TPGS2: variants seen among roughly 807,000 people sequenced by gnomAD.
The protein encoded by TPGS2 is polyglutamylase subunit 2.
A neutral mutation model predicts 31.1 loss-of-function variants in TPGS2; 26 were observed. The observed-to-expected ratio is 0.84, with a 90% CI of 0.61 to 1.16. The LOEUF (loss-of-function observed/expected upper bound fraction) is 1.16, where lower values mean the gene tolerates loss of function less well. TPGS2 is among the 50% of genes most tolerant of loss of function. TPGS2 has a pLI of 0.00. For missense variants in TPGS2, 351 were observed against 363.8 expected (o/e 0.96, Z 0.29); for synonymous variants, 130 against 136.6 (o/e 0.95, Z 0.34).
rs564133957 is a variant in TPGS2 at position 36,813,743 on chromosome 18, G to A, written c.165+5151C>T. Among the ~76,000 whole-genome samples, 25 of 152,316 alleles carry A rather than the reference G, an allele frequency of 1.6e-4. No individual in the cohort carries two copies. In the South Asian group the frequency reaches 2.3e-3, roughly 14 times the overall value. Reference sequence around the variant, plus strand: ...GCTAAATAGCTAGAAGGAGATATACGTTGAAGGTTTTTTGTTTTTAATTTT... The same window carrying A: ...GCTAAATAGCTAGAAGGAGATATACATTGAAGGTTTTTTGTTTTTAATTTT... On this transcript the variant is annotated intron_variant, in intron 2 of 6. Transcript: ENST00000334295.
intron 2 of TPGS2, among the ~76,000 whole-genome samples, chr18:36,814,121 T>C (rs1229211312): frequency 2.0e-5 from 3 of 152,306 alleles, no homozygotes; most frequent in Admixed American, 1.3e-4. Context: ...GATTGGAGGG[T>C]GTAACCAATC....
Position 36,805,501 on chromosome 18 carries a change from C to A in TPGS2, c.255G>T (p.Glu85Asp), listed in dbSNP as rs756601472. 4.0e-5 allele frequency: 64 copies of A among 1,613,910 alleles called. 1 individual carries two copies. The highest frequency in any genetic ancestry group is 2.8e-5 in the Non-Finnish European group (33 of 1,179,942). ...CCATGCTTCCCAGTGGAATGATGTGCTCTAGGGGAACATGCGTTAAGGAGA... is the reference window on the plus strand; with the variant it reads ...CCATGCTTCCCAGTGGAATGATGTGATCTAGGGGAACATGCGTTAAGGAGA... ...FHMTWSVKLD[E>D]HIIPLGSMAI... is the part of the protein sequence containing the mutation. The change falls in exon 4 of 7, where the codon GAG becomes GAT. Residue 85 changes from glutamate (E) to aspartate (D), a missense_variant and splice_region_variant. Transcript: ENST00000334295.
At chr18:36,787,335 T>A (rs2044159897) in intron 6 of TPGS2, among the ~76,000 whole-genome samples, 1 of 152,172 alleles carries the variant, frequency 6.6e-6, no homozygotes, top group South Asian at 2.1e-4. Flanking sequence ...TTTGTTTCCC[T>A]TCAGAGAGAG....
At chr18:36,797,196 C>G in intron 6 of TPGS2, 146 bp from the exon 7 acceptor site, 2 of 1,465,470 alleles carry the variant, frequency 1.4e-6, no homozygotes, top group Non-Finnish European at 1.8e-6. Context: ...TTTGCTCTTC[C>G]TTTAAGTGGA....
chr18:36,809,602 C>G (rs1442080355), intron 2 of TPGS2, among the ~76,000 whole-genome samples: 1 of 152,170 alleles, frequency 6.6e-6, no homozygotes, highest in Non-Finnish European at 1.5e-5. Context: ...ATTATCTGTG[C>G]TTTCAGAAGA....
intron 4 of TPGS2, among the ~76,000 whole-genome samples, chr18:36,802,777 G>A (rs533603204): frequency 1.5e-4 from 23 of 152,010 alleles, no homozygotes; most frequent in East Asian, 5.8e-4. Context: ...ACAGGTGCCC[G>A]CCACCACGCC....
chr18:36,791,438 C>G (rs531798491), downstream of TPGS2, among the ~76,000 whole-genome samples: 1 of 152,180 alleles, frequency 6.6e-6, no homozygotes, highest in South Asian at 2.1e-4. Flanking sequence ...TCCCAGAACC[C>G]TGAGGTGGAG....
intron 6 of TPGS2, chr18:36,787,011 T>C (rs1359096344): frequency 9.7e-6 from 12 of 1,234,200 alleles, no homozygotes; most frequent in Non-Finnish European, 1.0e-5. Context: ...TCAGCTCCCA[T>C]TGGAGGGGCT....
chr18:36,810,729 A>G (rs1333691840), intron 2 of TPGS2, among the ~76,000 whole-genome samples: 1 of 152,160 alleles, frequency 6.6e-6, no homozygotes, highest in Admixed American at 6.5e-5. Context: ...TTCTCCTGAG[A>G]TAATCTACAA....
In TPGS2 at chr18:36,796,102, C is replaced by CAAAAG; in HGVS notation, c.*698_*702dup. ...GGAAGACAAACTTTATAGGAAGCTG[C>CAAAAG]AAAAGAAATGAGCAGAGCGAGATAT... On this transcript the variant is annotated 3_prime_UTR_variant, in exon 7 of 7. Coordinates refer to ENST00000334295, the MANE Select transcript of TPGS2 (RefSeq NM_015476.4). 1 of 985,270 alleles carries CAAAAG rather than the reference C, an allele frequency of 1.0e-6. No individual in the cohort carries two copies. Among genetic ancestry groups the CAAAAG allele is most frequent in the Non-Finnish European group, 1.2e-6 (1 of 829,918 alleles). The allele number at this position is 985,270 out of a possible 1,614,324, so 61.0% of individuals were successfully genotyped here. A position where few individuals can be genotyped will look rare whatever the true frequency, so the allele number is the denominator to read the frequency against.
intron 5 of TPGS2, among the ~76,000 whole-genome samples, chr18:36,799,864 G>A (rs1387749893): frequency 6.6e-6 from 1 of 152,162 alleles, no homozygotes; most frequent in Admixed American, 6.6e-5. Context: ...AAGTATAAAA[G>A]ATAATGTGTT....
rs2044556384 is a variant in TPGS2 at position 36,796,919 on chromosome 18, CT to C, written c.788del (p.Lys263ArgfsTer60). The C allele has an allele frequency of 6.2e-7, 1 of 1,609,850 alleles. No homozygotes were observed. Among genetic ancestry groups the C allele is most frequent in the Admixed American group, 1.7e-5 (1 of 59,086 alleles). ...CACCTGCAGGCTGCACAGGCCCTTTCTTTTTTGGGATTACGATCTTGTTCTT... is the reference window on the plus strand; with the variant it reads ...CACCTGCAGGCTGCACAGGCCCTTTCTTTTTGGGATTACGATCTTGTTCTT... ...KSKNKIVIPKKKGPVQPAGGQ... is the reference protein window; with the variant it reads ...KSKNKIVIPKXKGPVQPAGGQ... On this transcript the variant is annotated frameshift_variant, in exon 7 of 7. Coordinates refer to ENST00000334295, the MANE Select transcript of TPGS2 (RefSeq NM_015476.4). LOFTEE classifies it high-confidence loss of function.
intron 2 of TPGS2, among the ~76,000 whole-genome samples, chr18:36,815,519 AC>A (rs1172306700): frequency 1.3e-5 from 2 of 152,144 alleles, no homozygotes; most frequent in Non-Finnish European, 2.9e-5. Flanking sequence ...CCATTCATGG[AC>A]TTGTAAGGGA....
chr18:36,805,069 T>C (rs921797024), intron 4 of TPGS2, among the ~76,000 whole-genome samples: 1 of 152,240 alleles, frequency 6.6e-6, no homozygotes, highest in Non-Finnish European at 1.5e-5. Flanking sequence ...ACTACATCTG[T>C]TATATGCGAC....
downstream of TPGS2, among the ~76,000 whole-genome samples, chr18:36,793,762 G>A (rs904868140): frequency 6.0e-5 from 9 of 151,048 alleles, no homozygotes; most frequent in African/African-American, 9.8e-5. Context: ...CTTTGAGACA[G>A]AGTCTTGCTC....
At chr18:36,801,381 G>A (rs796883373) in intron 4 of TPGS2, among the ~76,000 whole-genome samples, 48 of 152,268 alleles carry the variant, frequency 3.2e-4, no homozygotes, top group African/African-American at 1.1e-3. Context: ...ACCTGGGCTG[G>A]AGTGCAGTGA....
chr18:36,802,350 T>A (rs1320977916), intron 4 of TPGS2, among the ~76,000 whole-genome samples: 2 of 152,216 alleles, frequency 1.3e-5, no homozygotes, highest in East Asian at 1.9e-4. Context: ...CATTCCAGCT[T>A]CTGCCTGCTT....
chr18:36,805,484 C>T lies in TPGS2; in HGVS notation c.272G>A (p.Gly91Glu), dbSNP rs1294034031. 1.9e-6 allele frequency: 3 copies of T among 1,613,924 alleles called. No individual in the cohort carries two copies. Among genetic ancestry groups the T allele is most frequent in the African/African-American group, 1.3e-5 (1 of 74,914 alleles). The change falls in exon 4 of 7, where the codon GGA becomes GAA. Residue 91 changes from glycine to glutamate, a missense_variant. By Grantham distance (98) the Gly-to-Glu change is moderately conservative. Coordinates refer to ENST00000334295, the MANE Select transcript of TPGS2 (RefSeq NM_015476.4). ...VKLDEHIIPLGSMAINSISKL... is the reference protein window; with the variant it reads ...VKLDEHIIPLESMAINSISKL... ...TGAGATGCTGTTAATTGCCATGCTT[C>T]CCAGTGGAATGATGTGCTCTAGGGG...
Position 36,818,696 on chromosome 18 carries a change from A to T in TPGS2, c.165+198T>A. The T allele has an allele frequency of 6.0e-6, 3 of 499,330 alleles. No individual in the cohort carries two copies. In the South Asian group the frequency reaches 1.1e-4, roughly 19 times the overall value. The allele number at this position is 499,330 out of a possible 1,614,324, so 30.9% of individuals were successfully genotyped here. A position where few individuals can be genotyped will look rare whatever the true frequency, so the allele number is the denominator to read the frequency against. On this transcript the variant is annotated intron_variant, in intron 2 of 6. Coordinates refer to ENST00000334295, the MANE Select transcript of TPGS2 (RefSeq NM_015476.4). ...CTGTAGGAGAGTGGGGCTCAGGGGAAACACTCCATGCTGGGTAAGTGGCAT... is the reference window on the plus strand; with the variant it reads ...CTGTAGGAGAGTGGGGCTCAGGGGATACACTCCATGCTGGGTAAGTGGCAT...
Sources: gnomAD v4.1 joint callset for allele counts (sites outside exome capture counted in the v4.1 genomes callset) on GRCh38, gnomAD v4.1.1 for gene constraint, MANE v1.5 for transcripts, NCBI Gene and HGNC (gene_info 2026-07-23, HGNC 2026-07-21) for gene names.